BLTP3B: variants seen among roughly 807,000 people sequenced by gnomAD.
BLTP3B encodes bridge-like lipid transfer protein family member 3B, also known as UHRF1 (ICBP90) binding protein 1-like.
the BLTP3B span, chr12:100,098,460 G>A: frequency 2.5e-6 from 4 of 1,614,002 alleles, no homozygotes; most frequent in Non-Finnish European, 3.4e-6. Flanking sequence ...ATGCATTGAA[G>A]GCTTTTGCTC....
the BLTP3B span, chr12:100,059,601 G>T: frequency 6.9e-7 from 1 of 1,459,088 alleles, no homozygotes; most frequent in South Asian, 1.4e-5. Flanking sequence ...AAAAGAACAT[G>T]ACTTAGCTCA....
At chr12:100,115,328 C>T in the BLTP3B span, among the ~76,000 whole-genome samples, 4 of 152,160 alleles carry the variant, frequency 2.6e-5, no homozygotes, top group African/African-American at 9.7e-5. Flanking sequence ...ATCATTTGAG[C>T]TTGGAAAGCA....
the BLTP3B span, among the ~76,000 whole-genome samples, chr12:100,142,351 G>A: frequency 1.3e-5 from 2 of 152,156 alleles, no homozygotes; most frequent in Non-Finnish European, 2.9e-5. Context: ...TCCGCACTCC[G>A]GGCTCCTCCG....
At chr12:100,106,856 T>C in the BLTP3B span, among the ~76,000 whole-genome samples, 1 of 152,190 alleles carries the variant, frequency 6.6e-6, no homozygotes, top group African/African-American at 2.4e-5. Flanking sequence ...TAGGAACTTT[T>C]CTATAATCTT....
the BLTP3B span, among the ~76,000 whole-genome samples, chr12:100,090,662 C>T: frequency 6.6e-6 from 1 of 152,044 alleles, no homozygotes; most frequent in Non-Finnish European, 1.5e-5. Flanking sequence ...AAAATGATTG[C>T]AGCCCAAGGT....
chr12:100,080,278 A>G, the BLTP3B span, among the ~76,000 whole-genome samples: 1 of 152,192 alleles, frequency 6.6e-6, no homozygotes, highest in African/African-American at 2.4e-5. Flanking sequence ...AGTCCATGAA[A>G]GCAGCCAAGA....
At chr12:100,121,720 T>G in the BLTP3B span, among the ~76,000 whole-genome samples, 1 of 151,972 alleles carries the variant, frequency 6.6e-6, no homozygotes, top group African/African-American at 2.4e-5. Context: ...GCCCAGCTAC[T>G]TGGGAAGCTG....
the BLTP3B span, among the ~76,000 whole-genome samples, chr12:100,117,769 G>A: frequency 6.6e-6 from 1 of 152,108 alleles, no homozygotes; most frequent in African/African-American, 2.4e-5. Flanking sequence ...CCAAAGTGCT[G>A]GGATTACAGG....
the BLTP3B span, among the ~76,000 whole-genome samples, chr12:100,087,607 A>G: frequency 6.6e-6 from 1 of 152,262 alleles, no homozygotes; most frequent in African/African-American, 2.4e-5. Context: ...GGAAGCAGGC[A>G]AAGAATAAAA....
At chr12:100,140,730 ATATAT>A in the BLTP3B span, among the ~76,000 whole-genome samples, 22 of 61,804 alleles carry the variant, frequency 3.6e-4, no homozygotes, top group African/African-American at 1.6e-3. Context: ...AAAAAAAAAA[ATATAT>A]ATATATATAT....
the BLTP3B span, among the ~76,000 whole-genome samples, chr12:100,130,311 T>C: frequency 6.6e-6 from 1 of 152,184 alleles, no homozygotes; most frequent in African/African-American, 2.4e-5. Flanking sequence ...CACCTCTGTT[T>C]CACCGTCTCT....
At chr12:100,127,434 T>C in the BLTP3B span, among the ~76,000 whole-genome samples, 1 of 152,234 alleles carries the variant, frequency 6.6e-6, no homozygotes, top group Non-Finnish European at 1.5e-5. Flanking sequence ...CCATTACTCT[T>C]AGGTAAGTAT....
At chr12:100,052,914 C>T in the BLTP3B span, among the ~76,000 whole-genome samples, 1 of 151,220 alleles carries the variant, frequency 6.6e-6, no homozygotes, top group Non-Finnish European at 1.5e-5. Flanking sequence ...CTGCCTCAGC[C>T]TCCTGAGTAG....
At chr12:100,113,983 A>C in the BLTP3B span, among the ~76,000 whole-genome samples, 2 of 152,304 alleles carry the variant, frequency 1.3e-5, no homozygotes, top group Non-Finnish European at 2.9e-5. Context: ...CAGACTTTCA[A>C]AGGGGGTTTT....
the BLTP3B span, among the ~76,000 whole-genome samples, chr12:100,043,414 C>G: frequency 6.6e-6 from 1 of 152,212 alleles, no homozygotes; most frequent in African/African-American, 2.4e-5. Flanking sequence ...TCTCTGAACT[C>G]TCAATTCAAT....
chr12:100,116,448 C>CAAAAAAAAAAAA, the BLTP3B span, among the ~76,000 whole-genome samples: 1 of 55,984 alleles, frequency 1.8e-5, no homozygotes, highest in Non-Finnish European at 3.7e-5. Flanking sequence ...GATCCTGTCT[C>CAAAAAAAAAAAA]AAAAAAAAAA....
chr12:100,045,136 G>A, the BLTP3B span, among the ~76,000 whole-genome samples: 12 of 152,104 alleles, frequency 7.9e-5, no homozygotes, highest in Non-Finnish European at 7.3e-5. Flanking sequence ...CATGCTCATG[G>A]GTAGGAAGAA....
the BLTP3B span, among the ~76,000 whole-genome samples, chr12:100,062,950 G>A: frequency 4.6e-5 from 7 of 151,338 alleles, no homozygotes; most frequent in African/African-American, 1.7e-4. Flanking sequence ...ACAGAGTGAG[G>A]CTGTCTCAAA....
chr12:100,142,681 CCTCCTCTCTTCGTGGCCGT>C, the BLTP3B span: 1 of 1,589,104 alleles, frequency 6.3e-7, no homozygotes, highest in Non-Finnish European at 8.6e-7. Context: ...TTGCTCACTG[CCTCCTCTCTTCGTGGCCGT>C]CTCCTCTCTG....
Sources: gnomAD v4.1 joint callset for allele counts (sites outside exome capture counted in the v4.1 genomes callset) on GRCh38, gnomAD v4.1.1 for gene constraint, MANE v1.5 for transcripts, NCBI Gene and HGNC (gene_info 2026-07-23, HGNC 2026-07-21) for gene names.